ACSF3: variants seen among roughly 807,000 people sequenced by gnomAD.
ACSF3 encodes the protein acyl-CoA synthetase family member 3.
A neutral mutation model predicts 53.2 loss-of-function variants in ACSF3; 78 were observed. The ratio of observed to expected loss-of-function variants is 1.47; its 90% CI spans 1.22 to 1.77. ACSF3 has a LOEUF of 1.77. Among genes scored for constraint, ACSF3 ranks in the 40% most tolerant of loss-of-function variants. ACSF3 has a pLI of 0.00. For synonymous variants in ACSF3, 414 were observed against 333.1 expected (o/e 1.24, Z -2.65); for missense variants, 937 against 771.1 (o/e 1.22, Z -2.55).
At chr16:89,145,902 C>T (rs1325384576) in intron 9 of ACSF3, 36 bp from the exon 10 acceptor site, 1 of 1,559,372 alleles carries the variant, frequency 6.4e-7, no homozygotes. Flanking sequence ...GTCACTGAGG[C>T]ATCCCCATGT....
intron 8 of ACSF3, chr16:89,136,478 C>T (rs772352089): frequency 2.3e-5 from 28 of 1,207,150 alleles, no homozygotes; most frequent in Non-Finnish European, 2.9e-5. Flanking sequence ...CTCACAGCTG[C>T]CGCTCCTGCC....
intron 7 of ACSF3, among the ~76,000 whole-genome samples, chr16:89,126,549 A>G (rs1349003281): frequency 6.6e-6 from 1 of 152,228 alleles, no homozygotes; most frequent in Non-Finnish European, 1.5e-5. Flanking sequence ...GATTACAGGC[A>G]TGAGCCTCTG....
intron 4 of ACSF3, among the ~76,000 whole-genome samples, chr16:89,104,502 G>A (rs1478652049): frequency 6.6e-6 from 1 of 152,232 alleles, no homozygotes; most frequent in African/African-American, 2.4e-5. Context: ...ATCGAAGGCT[G>A]TGTGGAGCTC....
Position 89,102,901 on chromosome 16 carries a change from G to A in ACSF3, c.822+142G>A, listed in dbSNP as rs998674049. 7.3e-6 allele frequency: 9 copies of A among 1,231,530 alleles called. No individual in the cohort carries two copies. In the African/African-American group the frequency reaches 1.0e-4, roughly 14 times the overall value. 76.3% of individuals were successfully genotyped at this position (1,231,530 alleles called of 1,614,324 possible). A position where few individuals can be genotyped will look rare whatever the true frequency, so the allele number is the denominator to read the frequency against. On this transcript the variant is annotated intron_variant, in intron 4 of 10. Transcript: ENST00000614302. ...GCTCTCGGCCGCGCCCTCAGACTAG[G>A]CATCTTTTCCTGGTGTGCAGTCGCC...
chr16:89,135,879 A>G (rs1466042557), intron 8 of ACSF3, among the ~76,000 whole-genome samples: 1 of 152,198 alleles, frequency 6.6e-6, no homozygotes, highest in African/African-American at 2.4e-5. Context: ...GGTTCAAGCA[A>G]TTCTCCTGCC....
intron 7 of ACSF3, among the ~76,000 whole-genome samples, chr16:89,126,571 G>A (rs559261652): frequency 2.6e-5 from 4 of 152,244 alleles, no homozygotes; most frequent in East Asian, 1.9e-4. Context: ...ACACAGTCAC[G>A]TTTTTGTTGC....
chr16:89,139,922 T>C (rs1207179019), intron 8 of ACSF3, among the ~76,000 whole-genome samples: 1 of 152,072 alleles, frequency 6.6e-6, no homozygotes, highest in Non-Finnish European at 1.5e-5. Context: ...GTACAGGGTG[T>C]CCTCTGTCCC....
chr16:89,101,038 C>A lies in ACSF3; in HGVS notation c.357C>A (p.Gly119=). 1 of 1,613,892 alleles carries A rather than the reference C, an allele frequency of 6.2e-7. No individual in the cohort carries two copies. The highest frequency in any genetic ancestry group is 8.5e-7 in the Non-Finnish European group (1 of 1,179,912). Residue 119 remains glycine (G), a synonymous_variant, in exon 3 of 11, where the codon GGC becomes GGA. Coordinates refer to ENST00000614302, the MANE Select transcript of ACSF3 (RefSeq NM_001243279.3). Reference sequence around the variant, plus strand: ...CCCAGTGGGCGTCATGGATGAGTGGCGGTGTGGCAGTCCCCCTCTACAGGA... The same window carrying A: ...CCCAGTGGGCGTCATGGATGAGTGGAGGTGTGGCAGTCCCCCTCTACAGGA... ...VVAQWASWMS[G]GVAVPLYRKH...
rs774391444 is a variant in ACSF3 at position 89,114,606 on chromosome 16, G to A, written c.1126+119G>A. 15 of 1,464,636 alleles carry A rather than the reference G, an allele frequency of 1.0e-5. No homozygotes were observed. In the South Asian group the frequency reaches 1.0e-4, roughly 10 times the overall value. 90.7% of individuals were successfully genotyped at this position (1,464,636 alleles called of 1,614,324 possible). A position where few individuals can be genotyped will look rare whatever the true frequency, so the allele number is the denominator to read the frequency against. On this transcript the variant is annotated intron_variant, in intron 6 of 10. Coordinates refer to ENST00000614302, the MANE Select transcript of ACSF3 (RefSeq NM_001243279.3). ...GGCGGCATGGAGGATGCTCCCCCGTGGGACAGGCCACTCGGCCAGGAGAGC... is the reference window on the plus strand; with the variant it reads ...GGCGGCATGGAGGATGCTCCCCCGTAGGACAGGCCACTCGGCCAGGAGAGC...
intron 6 of ACSF3, among the ~76,000 whole-genome samples, chr16:89,118,033 C>T (rs1905575550): frequency 6.6e-6 from 1 of 151,050 alleles, no homozygotes; most frequent in South Asian, 2.1e-4. Flanking sequence ...CAGGGACGTT[C>T]CCTCTTCTCT....
chr16:89,114,180 G>A lies in ACSF3; in HGVS notation c.978-159G>A, dbSNP rs548197216. On this transcript the variant is annotated intron_variant, in intron 5 of 10. Transcript: ENST00000614302. ...GACTGCAGCGTTGGTCCCGGGTGTCGCACAGTGGTGCTGTACCCACGGCCT... is the reference window on the plus strand; with the variant it reads ...GACTGCAGCGTTGGTCCCGGGTGTCACACAGTGGTGCTGTACCCACGGCCT... 47 of 923,372 alleles carry A rather than the reference G, an allele frequency of 5.1e-5. No individual in the cohort carries two copies. In the Admixed American group the frequency reaches 5.6e-4, roughly 11 times the overall value. The allele number at this position is 923,372 out of a possible 1,614,324, so 57.2% of individuals were successfully genotyped here.
At chr16:89,112,899 C>T (rs551823748) in intron 5 of ACSF3, among the ~76,000 whole-genome samples, 2 of 152,354 alleles carry the variant, frequency 1.3e-5, no homozygotes, top group South Asian at 4.1e-4. Context: ...GCCTGGGGCA[C>T]GTTCTGCTGC....
At chr16:89,135,749 C>T (rs1027179423) in intron 8 of ACSF3, among the ~76,000 whole-genome samples, 4 of 152,204 alleles carry the variant, frequency 2.6e-5, no homozygotes, top group East Asian at 1.9e-4. Flanking sequence ...GACCCCAATC[C>T]GACTCACGCT....
chr16:89,114,163 C>A, intron 5 of ACSF3, 176 bp from the exon 6 acceptor site: 1 of 777,148 alleles, frequency 1.3e-6, no homozygotes, highest in Non-Finnish European at 2.2e-6. Flanking sequence ...CAGACTGCAG[C>A]GTTGGTCCCG....
At chr16:89,133,870 C>G (rs913637198) in intron 8 of ACSF3, among the ~76,000 whole-genome samples, 6 of 152,220 alleles carry the variant, frequency 3.9e-5, no homozygotes, top group African/African-American at 1.4e-4. Context: ...GCCCAGGAAG[C>G]CTGTGGCGGT....
At position 89,112,137 on chromosome 16, in the gene ACSF3, T is replaced by G; in HGVS notation, c.868T>G (p.Phe290Val). 9.0e-7 allele frequency: 1 copy of G among 1,106,984 alleles called. No homozygotes were observed. Among genetic ancestry groups the G allele is most frequent in the Non-Finnish European group, 1.1e-6 (1 of 894,870 alleles). The allele number at this position is 1,106,984 out of a possible 1,614,324, so 68.6% of individuals were successfully genotyped here. A position where few individuals can be genotyped will look rare whatever the true frequency, so the allele number is the denominator to read the frequency against. ...TTCTGAAACGCCGCGGATCAATGTC[T>G]TTATGGCAGTGCCTACAATATACAC... ...LSSETPRINV[F>V]MAVPTIYTKL... Residue 290 changes from phenylalanine (F) to valine (V), a missense_variant, in exon 5 of 11, where the codon TTT (phenylalanine) becomes GTT (valine). Phe to Val is a conservative substitution (Grantham distance 50). Transcript: ENST00000614302.
intron 7 of ACSF3, among the ~76,000 whole-genome samples, chr16:89,126,127 G>A (rs1046620790): frequency 3.9e-5 from 6 of 152,218 alleles, no homozygotes; most frequent in African/African-American, 1.2e-4. Context: ...GGTTTCTTCT[G>A]TGTTGTATTC....
chr16:89,150,981 G>A lies in ACSF3; in HGVS notation c.1614-3109G>A. On this transcript the variant is annotated intron_variant, in intron 10 of 10. Transcript: ENST00000614302. ...TTCCAACAAGAAGATATCCAGGGAG[G>A]AAATTCACAGTCAAATTTCCCCAAA... 3.1e-6 allele frequency: 4 copies of A among 1,284,072 alleles called. No homozygotes were observed. In the South Asian group the frequency reaches 3.7e-5, roughly 12 times the overall value. 79.5% of individuals were successfully genotyped at this position (1,284,072 alleles called of 1,614,324 possible). A position where few individuals can be genotyped will look rare whatever the true frequency, so the allele number is the denominator to read the frequency against.
In ACSF3 at chr16:89,154,902, G is replaced by T. The variant is rs567337830; in HGVS notation, c.*695G>T. The T allele has an allele frequency of 2.2e-6, 1 of 454,028 alleles. No individual in the cohort carries two copies. The highest frequency in any genetic ancestry group is 4.4e-6 in the Non-Finnish European group (1 of 226,780). 28.1% of individuals were successfully genotyped at this position (454,028 alleles called of 1,614,324 possible). On this transcript the variant is annotated 3_prime_UTR_variant, in exon 11 of 11. Coordinates refer to ENST00000614302, the MANE Select transcript of ACSF3 (RefSeq NM_001243279.3). ...CCGTGACCCTGCCTCACCCCCCAGC[G>T]CAGGGACTTTCCAGGTCATCTCCAC...
Sources: allele counts gnomAD v4.1 joint callset (sites outside exome capture counted in the v4.1 genomes callset), GRCh38; gene constraint gnomAD v4.1.1; transcripts MANE v1.5; gene names NCBI Gene and HGNC (gene_info 2026-07-23, HGNC 2026-07-21).